The following GPRC5B variants were observed in gnomAD, a reference collection of about 807,000 sequenced individuals.
GPRC5B encodes G protein-coupled receptor class C group 5 member B, also known as G protein-coupled receptor family C group 5 member B.
GPRC5B carries 16 observed loss-of-function variants against 30.1 expected under a neutral mutation model. The observed-to-expected ratio is 0.53, with a 90% CI of 0.36 to 0.81. The LOEUF is 0.81. GPRC5B is among the 30% of genes least tolerant of loss of function. The pLI, the probability that GPRC5B is intolerant of heterozygous loss-of-function variation, is 0.01. For missense variants in GPRC5B, 428 were observed against 544.7 expected (o/e 0.79, Z 2.13); for synonymous variants, 241 against 239.5 (o/e 1.01, Z -0.06).
In GPRC5B at chr16:19,859,169, C is replaced by G. The variant is rs2056600185; in HGVS notation, c.*1331G>C. ...AAGGACCCACCCTCATTTATACATT[C>G]CATGCCGTCAGGTTAAAACTCTGCT... On this transcript the variant is annotated 3_prime_UTR_variant, in exon 4 of 4. Coordinates refer to ENST00000300571, the MANE Select transcript of GPRC5B (RefSeq NM_016235.3). The G allele has an allele frequency of 6.6e-6, 1 of 152,668 alleles. No individual in the cohort carries two copies. The highest frequency in any genetic ancestry group is 2.1e-4 in the South Asian group (1 of 4,832). 9.5% of individuals were successfully genotyped at this position (152,668 alleles called of 1,614,324 possible).
chr16:19,862,944 C>T (rs1327440093), intron 2 of GPRC5B, among the ~76,000 whole-genome samples: 1 of 152,170 alleles, frequency 6.6e-6, no homozygotes, highest in Admixed American at 6.5e-5. Context: ...AGCCACTTTT[C>T]TGGCTAAAAA....
At position 19,871,896 on chromosome 16, in the gene GPRC5B, T is replaced by A. The variant is rs1567209568; in HGVS notation, c.950A>T (p.Glu317Val). The A allele has an allele frequency of 1.2e-6, 2 of 1,613,922 alleles. No homozygotes were observed. Among genetic ancestry groups the A allele is most frequent in the Admixed American group, 1.7e-5 (1 of 60,000 alleles). Residue 317 changes from glutamate (E) to valine (V), a missense_variant, in exon 2 of 4, where the codon GAG (glutamate) becomes GTG (valine). Coordinates refer to ENST00000300571, the MANE Select transcript of GPRC5B (RefSeq NM_016235.3). ...CTGCACGTCCTCCTCGAAGGCCGTC[T>A]CCCGCATCCTGGGCTGCGACGTGTC... is the stretch of plus-strand genomic sequence containing the variant. The part of the protein sequence containing the change: ...YFDTSQPRMR[E>V]TAFEEDVQLP...
At chr16:19,870,959 G>A (rs1416616979) in intron 2 of GPRC5B, among the ~76,000 whole-genome samples, 1 of 145,326 alleles carries the variant, frequency 6.9e-6, no homozygotes, top group African/African-American at 2.6e-5. Context: ...AAAATAAATT[G>A]GCTGGCAATT....
intron 2 of GPRC5B, among the ~76,000 whole-genome samples, chr16:19,866,504 G>A (rs2056668103): frequency 2.0e-5 from 3 of 152,020 alleles, no homozygotes; most frequent in Admixed American, 2.0e-4. Flanking sequence ...GGGACTACAG[G>A]CATGCACCAC....
intron 1 of GPRC5B, among the ~76,000 whole-genome samples, chr16:19,878,737 G>A (rs1320413604): frequency 2.6e-5 from 4 of 152,114 alleles, no homozygotes; most frequent in South Asian, 2.1e-4. Flanking sequence ...TCCAGTTGCC[G>A]AGTGAATGGA....
At position 19,856,759 on chromosome 16, in the gene GPRC5B, T is replaced by C. The variant is rs113160872; in HGVS notation, c.*3741A>G. 1,579 of 546,556 alleles carry C rather than the reference T, an allele frequency of 2.9e-3. 19 individuals are homozygous for C. The highest frequency in any genetic ancestry group is 0.027 in the African/African-American group (1,420 of 52,420). The allele number at this position is 546,556 out of a possible 1,614,324, so 33.9% of individuals were successfully genotyped here. ...GGACCAGTCTTCACTTTCTGCATTA[T>C]CCCCACATTTTATTCATTCATCCAG... On this transcript the variant is annotated 3_prime_UTR_variant, in exon 4 of 4. Transcript: ENST00000300571.
chr16:19,880,462 T>TAAAATAAAATAAAATAAAATAA (rs1364403590), intron 1 of GPRC5B, among the ~76,000 whole-genome samples: 3 of 149,532 alleles, frequency 2.0e-5, no homozygotes, highest in Non-Finnish European at 1.5e-5. Flanking sequence ...TAAAATAAAA[T>TAAAATAAAATAAAATAAAATAA]AAGAAAAGAA....
chr16:19,872,289 A>G lies in GPRC5B; in HGVS notation c.557T>C (p.Leu186Pro). The G allele has an allele frequency of 6.2e-7, 1 of 1,613,852 alleles. No individual in the cohort carries two copies. The highest frequency in any genetic ancestry group is 2.2e-5 in the East Asian group (1 of 44,874). ...GGCGCAGGCTGGCCTTGTGTCACGC[A>G]GCACGGTGAGCACCAGCCACTCCAC... The part of the protein sequence containing the change: ...IAVEWLVLTV[L>P]RDTRPACAYE... Residue 186 changes from leucine to proline, a missense_variant, in exon 2 of 4, where the codon CTG (leucine) becomes CCG (proline). Leu to Pro is a moderately conservative substitution (Grantham distance 98). Around this residue, in one of 3 missense-constraint regions of GPRC5B, gnomAD observed 196 missense variants for 272.6 expected, o/e 0.72. Transcript: ENST00000300571. The surrounding 1 kb of genome is among the most constrained non-coding windows in gnomAD (Gnocchi z 5.0).
At chr16:19,866,703 T>C (rs1358069469) in intron 2 of GPRC5B, among the ~76,000 whole-genome samples, 1 of 152,148 alleles carries the variant, frequency 6.6e-6, no homozygotes, top group African/African-American at 2.4e-5. Flanking sequence ...TTGTTGAACC[T>C]ACATGATTCC....
intron 2 of GPRC5B, among the ~76,000 whole-genome samples, chr16:19,864,936 G>A (rs1434003245): frequency 1.4e-5 from 2 of 147,878 alleles, no homozygotes; most frequent in African/African-American, 5.0e-5. Flanking sequence ...TTTTTGTCAG[G>A]GTCTCTGTCT....
intron 1 of GPRC5B, among the ~76,000 whole-genome samples, chr16:19,873,481 A>C (rs1330948816): frequency 5.9e-5 from 9 of 151,308 alleles, no homozygotes; most frequent in Non-Finnish European, 5.9e-5. Flanking sequence ...AAAAAAAAAA[A>C]CCAAAGAAAG....
intron 2 of GPRC5B, among the ~76,000 whole-genome samples, chr16:19,865,073 T>A (rs2056656020): frequency 6.6e-6 from 1 of 151,696 alleles, no homozygotes; most frequent in South Asian, 2.1e-4. Flanking sequence ...CCTGGCTTAT[T>A]TTTAGTTTTT....
chr16:19,870,713 T>C (rs1488043517), intron 2 of GPRC5B, among the ~76,000 whole-genome samples: 2 of 152,136 alleles, frequency 1.3e-5, no homozygotes, highest in Admixed American at 1.3e-4. Context: ...AGGGAATTAA[T>C]GTTACTATCC....
Position 19,872,892 on chromosome 16 carries a change from T to C in GPRC5B, c.-1-46A>G. The C allele has an allele frequency of 3.5e-6, 5 of 1,426,870 alleles. No homozygotes were observed. Among genetic ancestry groups the C allele is most frequent in the Non-Finnish European group, 2.9e-6 (3 of 1,025,514 alleles). The allele number at this position is 1,426,870 out of a possible 1,614,324, so 88.4% of individuals were successfully genotyped here. ...ATGGTTGGGGGGAAGGAAAGATGAA[T>C]TCATTGGAAGACTCCCCCTCTCCTG... On this transcript the variant is annotated intron_variant, in intron 1 of 3. Transcript: ENST00000300571. This position sits in a 1 kb window ranked among gnomAD's most constrained non-coding sequence, Gnocchi z 5.0.
chr16:19,884,925 G>GC (rs1171462971), upstream of GPRC5B: 1 of 894,646 alleles, frequency 1.1e-6, no homozygotes, highest in Non-Finnish European at 1.3e-6. Context: ...CCCCGCCCCC[G>GC]CCCCCGCCCC....
upstream of GPRC5B, chr16:19,885,471 T>C (rs2056842900): frequency 1.8e-6 from 2 of 1,138,912 alleles, no homozygotes; most frequent in South Asian, 3.4e-5. This position sits in a 1 kb window ranked among gnomAD's most constrained non-coding sequence, Gnocchi z 5.3. Flanking sequence ...CCAGATGTCG[T>C]TGTCCGTTTA....
upstream of GPRC5B, chr16:19,885,601 C>G: frequency 1.9e-6 from 2 of 1,036,546 alleles, no homozygotes; most frequent in Non-Finnish European, 2.3e-6. This position sits in a 1 kb window ranked among gnomAD's most constrained non-coding sequence, Gnocchi z 5.3. Flanking sequence ...ACATCACCCA[C>G]GTACGCACAT....
In GPRC5B at chr16:19,858,071, C is replaced by T. The variant is rs2056584894; in HGVS notation, c.*2429G>A. 6.3e-6 allele frequency: 1 copy of T among 158,096 alleles called. No homozygotes were observed. Among genetic ancestry groups the T allele is most frequent in the African/African-American group, 2.4e-5 (1 of 41,726 alleles). The allele number at this position is 158,096 out of a possible 1,614,324, so 9.8% of individuals were successfully genotyped here. ...CCCAAACGAGTCTTGTTTACACACG[C>T]AGATCTTAAACAGAGGTGCCATTTA... On this transcript the variant is annotated 3_prime_UTR_variant, in exon 4 of 4. Coordinates refer to ENST00000300571, the MANE Select transcript of GPRC5B (RefSeq NM_016235.3).
chr16:19,871,978 G>C lies in GPRC5B; in HGVS notation c.868C>G (p.Pro290Ala). ...GGCAGAAGGGTGCAGTGGATCTCAG[G>C]GATGGCGTGGAAGATGACGAAGACC... is the stretch of plus-strand genomic sequence containing the variant. ...GWVFVIFHAI[P>A]EIHCTLLPAL... Residue 290 changes from proline (P) to alanine (A), a missense_variant, in exon 2 of 4, where the codon CCT (proline) becomes GCT (alanine). Around this residue, in one of 3 missense-constraint regions of GPRC5B, gnomAD observed 213 missense variants for 229.1 expected, o/e 0.93. Coordinates refer to ENST00000300571, the MANE Select transcript of GPRC5B (RefSeq NM_016235.3). The C allele has an allele frequency of 1.2e-6, 2 of 1,614,152 alleles. No homozygotes were observed. Among genetic ancestry groups the C allele is most frequent in the Non-Finnish European group, 1.7e-6 (2 of 1,180,036 alleles).
Sources: allele counts gnomAD v4.1 joint callset (sites outside exome capture counted in the v4.1 genomes callset), GRCh38; gene constraint gnomAD v4.1.1; regional missense constraint gnomAD v4.1.1; non-coding constraint Gnocchi (gnomAD v3.1); transcripts MANE v1.5; gene names NCBI Gene and HGNC (gene_info 2026-07-23, HGNC 2026-07-21).